The following NCAM2 variants were observed in gnomAD, a reference collection of about 807,000 sequenced individuals.
The protein encoded by NCAM2 is neural cell adhesion molecule 2.
Under a neutral mutation model 98.1 loss-of-function variants are expected in NCAM2, and 30 were observed. The observed-to-expected ratio is 0.31, with a 90% confidence interval of 0.23 to 0.41. The LOEUF is 0.41. NCAM2 is among the 10% of genes least tolerant of loss of function. The pLI, the probability that NCAM2 is intolerant of heterozygous loss-of-function variation, is 1.00. For synonymous variants in NCAM2, 368 were observed against 342.4 expected (o/e 1.07, Z -0.83); for missense variants, 867 against 1,005.8 (o/e 0.86, Z 1.87).
intron 12 of NCAM2, among the ~76,000 whole-genome samples, chr21:21,442,985 T>G (rs1185035321): frequency 2.0e-5 from 3 of 152,122 alleles, no homozygotes; most frequent in African/African-American, 7.2e-5. Context: ...ATACAAAAAT[T>G]TTCCTGCTTT....
chr21:21,144,355 A>C (rs1670044734), intron 1 of NCAM2, among the ~76,000 whole-genome samples: 1 of 152,090 alleles, frequency 6.6e-6, no homozygotes, highest in South Asian at 2.1e-4. Context: ...AAAAAGAAAA[A>C]AAAAAAAATC....
rs143710213 is a variant in NCAM2 at position 21,247,003 on chromosome 21, G to A, written c.56-33575G>A. Among the ~76,000 whole-genome samples, 615 of 132,788 alleles carry A rather than the reference G, an allele frequency of 4.6e-3. 5 individuals carry two copies. Among genetic ancestry groups the A allele is most frequent in the African/African-American group, 0.013 (450 of 35,680 alleles). The allele number at this position is 132,788 out of a possible 152,430, so 87.1% of individuals were successfully genotyped here. A position where few individuals can be genotyped will look rare whatever the true frequency, so the allele number is the denominator to read the frequency against. On this transcript the variant is annotated intron_variant, in intron 1 of 17. Coordinates refer to ENST00000400546, the MANE Select transcript of NCAM2 (RefSeq NM_004540.5). ...TCCCATTGCACTGTCTCTGTAGTCTGTCTCATAGAGTTTAATATGTTTAAA... is the reference window on the plus strand; with the variant it reads ...TCCCATTGCACTGTCTCTGTAGTCTATCTCATAGAGTTTAATATGTTTAAA...
intron 1 of NCAM2, among the ~76,000 whole-genome samples, chr21:21,257,028 A>G (rs1401586874): frequency 6.6e-6 from 1 of 152,228 alleles, no homozygotes; most frequent in Non-Finnish European, 1.5e-5. Flanking sequence ...TCAAGCTGCT[A>G]AAGTACAATG....
At chr21:21,059,119 T>C (rs2065271576) in intron 1 of NCAM2, among the ~76,000 whole-genome samples, 1 of 152,128 alleles carries the variant, frequency 6.6e-6, no homozygotes, top group African/African-American at 2.4e-5. Flanking sequence ...ATTTTGTGAC[T>C]ACCTCTTATA....
chr21:21,090,887 C>T (rs959587621), intron 1 of NCAM2, among the ~76,000 whole-genome samples: 1 of 152,178 alleles, frequency 6.6e-6, no homozygotes, highest in Non-Finnish European at 1.5e-5. Flanking sequence ...AGAATCTGAG[C>T]TTCCCTGATG....
chr21:21,256,796 C>T, intron 1 of NCAM2, among the ~76,000 whole-genome samples: 1 of 152,170 alleles, frequency 6.6e-6, no homozygotes, highest in East Asian at 1.9e-4. Context: ...TGTGTTGGAA[C>T]CTCCTGTGAT....
At chr21:21,333,913 G>A (rs1409500297) in intron 6 of NCAM2, among the ~76,000 whole-genome samples, 1 of 151,906 alleles carries the variant, frequency 6.6e-6, no homozygotes, top group Non-Finnish European at 1.5e-5. Context: ...GATTGCATTA[G>A]TAATAATATC....
chr21:21,399,391 A>G (rs1227806495), intron 9 of NCAM2, among the ~76,000 whole-genome samples: 1 of 152,180 alleles, frequency 6.6e-6, no homozygotes, highest in Non-Finnish European at 1.5e-5. Context: ...TTAAAATATA[A>G]TATTAAAAAG....
At chr21:21,522,349 A>G (rs958422180) in intron 16 of NCAM2, among the ~76,000 whole-genome samples, 2 of 150,098 alleles carry the variant, frequency 1.3e-5, no homozygotes, top group Non-Finnish European at 3.0e-5. Flanking sequence ...AAGGAGCAAG[A>G]GAGCCAGAGG....
chr21:21,028,717 C>A (rs2064605115), intron 1 of NCAM2, among the ~76,000 whole-genome samples: 1 of 152,084 alleles, frequency 6.6e-6, no homozygotes, highest in African/African-American at 2.4e-5. Context: ...TTTATTTGTG[C>A]AATAACATAG....
intron 1 of NCAM2, among the ~76,000 whole-genome samples, chr21:21,001,194 C>T (rs941712827): frequency 6.6e-6 from 1 of 152,298 alleles, no homozygotes; most frequent in South Asian, 2.1e-4. Context: ...AAGTGAGAAA[C>T]TGACTAACTT....
intron 1 of NCAM2, among the ~76,000 whole-genome samples, chr21:21,081,403 C>T (rs1313281085): frequency 1.3e-5 from 2 of 152,138 alleles, no homozygotes; most frequent in Admixed American, 6.6e-5. Flanking sequence ...TGACCATCAC[C>T]TGATGGTTGC....
At chr21:21,410,750 T>A (rs903828112) in intron 10 of NCAM2, among the ~76,000 whole-genome samples, 11 of 151,412 alleles carry the variant, frequency 7.3e-5, no homozygotes, top group African/African-American at 2.7e-4. Context: ...GGCTCACTCC[T>A]GTAATCCCAG....
At chr21:21,522,070 T>G (rs1019477457) in intron 16 of NCAM2, among the ~76,000 whole-genome samples, 4 of 148,190 alleles carry the variant, frequency 2.7e-5, no homozygotes, top group African/African-American at 9.8e-5. Flanking sequence ...ATAGTATATA[T>G]ATTTTATATA....
At chr21:21,520,152 A>T (rs915380583) in intron 16 of NCAM2, among the ~76,000 whole-genome samples, 6 of 152,118 alleles carry the variant, frequency 3.9e-5, no homozygotes, top group Admixed American at 6.6e-5. Flanking sequence ...TTAATATTAA[A>T]AATATTTATT....
At chr21:21,367,518 C>T (rs1205867865) in intron 8 of NCAM2, among the ~76,000 whole-genome samples, 2 of 151,938 alleles carry the variant, frequency 1.3e-5, no homozygotes, top group Admixed American at 6.6e-5. Flanking sequence ...AAAAGTCTAG[C>T]AGCAAAATAA....
intron 15 of NCAM2, among the ~76,000 whole-genome samples, chr21:21,494,417 AAAAAT>A (rs1438113250): frequency 6.6e-6 from 1 of 151,346 alleles, no homozygotes; most frequent in Non-Finnish European, 1.5e-5. Flanking sequence ...ACAAAGAACT[AAAAAT>A]AAAATTATTC....
chr21:21,001,738 T>G (rs777356330), intron 1 of NCAM2, among the ~76,000 whole-genome samples: 2 of 152,212 alleles, frequency 1.3e-5, no homozygotes, highest in Non-Finnish European at 2.9e-5. Flanking sequence ...ATGCTATTCA[T>G]CTCTCTTGCA....
chr21:21,112,875 T>G (rs1049280477), intron 1 of NCAM2, among the ~76,000 whole-genome samples: 2 of 152,220 alleles, frequency 1.3e-5, no homozygotes, highest in African/African-American at 4.8e-5. Flanking sequence ...CTTAAACTAC[T>G]TCCATGCAGC....
Sources: gnomAD v4.1 joint callset for allele counts (sites outside exome capture counted in the v4.1 genomes callset) on GRCh38, gnomAD v4.1.1 for gene constraint, MANE v1.5 for transcripts, NCBI Gene and HGNC (gene_info 2026-07-23, HGNC 2026-07-21) for gene names.